The following CTBP2 variants were observed in gnomAD, a reference collection of about 807,000 sequenced individuals.
CTBP2 encodes C-terminal-binding protein 2.
Under a neutral mutation model 80.3 loss-of-function variants are expected in CTBP2, and 30 were observed. The observed-to-expected ratio is 0.37, with a 90% CI of 0.28 to 0.51. The LOEUF is 0.51. Ranked by LOEUF, CTBP2 falls within the 20% of genes least tolerant of loss-of-function variation. The pLI, the probability that CTBP2 is intolerant of heterozygous loss-of-function variation, is 0.93. For missense variants in CTBP2, 1,212 were observed against 1,375.3 expected (o/e 0.88, Z 1.88); for synonymous variants, 594 against 587.4 (o/e 1.01, Z -0.16).
intron 1 of CTBP2, among the ~76,000 whole-genome samples, chr10:125,134,186 C>T (rs1486354183): frequency 6.6e-6 from 1 of 152,200 alleles, no homozygotes; most frequent in Non-Finnish European, 1.5e-5. Flanking sequence ...AGCCCATCAC[C>T]AACAGCCAAC....
rs11596391 is a variant in CTBP2 at position 125,122,394 on chromosome 10, T to G, written c.-205-11301A>C. Among the ~76,000 whole-genome samples the G allele has an allele frequency of 4.9e-3, 744 of 152,338 alleles. 3 individuals carry two copies. Among genetic ancestry groups the G allele is most frequent in the Non-Finnish European group, 8.3e-3 (567 of 68,038 alleles). ...CAACTCAACATTTTCACTGTGAGATTAGATTCTTGGGACTTGTAATTTTAC... is the reference window on the plus strand; with the variant it reads ...CAACTCAACATTTTCACTGTGAGATGAGATTCTTGGGACTTGTAATTTTAC... On this transcript the variant is annotated intron_variant, in intron 1 of 10. Transcript: ENST00000337195.
intron 2 of CTBP2, among the ~76,000 whole-genome samples, chr10:125,058,681 G>A (rs1964420781): frequency 6.6e-6 from 1 of 152,040 alleles, no homozygotes. Flanking sequence ...GATCACCTGA[G>A]GCCGGGAGTT....
At chr10:125,109,092 G>T (rs1851893283) in intron 2 of CTBP2, among the ~76,000 whole-genome samples, 1 of 152,216 alleles carries the variant, frequency 6.6e-6, no homozygotes, top group South Asian at 2.1e-4. Context: ...TTATTAGACT[G>T]AGTCAAATGA....
intron 3 of CTBP2, among the ~76,000 whole-genome samples, chr10:125,038,444 G>A (rs1029181159): frequency 4.6e-5 from 7 of 152,164 alleles, no homozygotes; most frequent in Admixed American, 6.5e-5. Flanking sequence ...CTGGAAGAGC[G>A]CAGTGCTTAA....
At chr10:125,114,877 G>A (rs1262806015) in intron 1 of CTBP2, among the ~76,000 whole-genome samples, 2 of 146,742 alleles carry the variant, frequency 1.4e-5, no homozygotes, top group East Asian at 4.3e-4. Flanking sequence ...GCTGTGAGCA[G>A]CATTCATCTA....
At chr10:125,050,237 CCT>C (rs1192110182) in intron 2 of CTBP2, among the ~76,000 whole-genome samples, 1 of 152,158 alleles carries the variant, frequency 6.6e-6, no homozygotes, top group African/African-American at 2.4e-5. Context: ...GCACCGGTAC[CCT>C]GTCTCCTGCG....
intron 2 of CTBP2, among the ~76,000 whole-genome samples, chr10:125,054,918 G>T (rs114046568): frequency 6.6e-6 from 1 of 152,138 alleles, no homozygotes; most frequent in Non-Finnish European, 1.5e-5. Flanking sequence ...CAAGCTGAAG[G>T]AACGGAAAGT....
At chr10:125,049,118 CACA>C (rs34217401) in intron 2 of CTBP2, among the ~76,000 whole-genome samples, 46,755 of 150,400 alleles carry the variant, frequency 0.31, 7,456 homozygotes, top group Middle Eastern at 0.4. Flanking sequence ...CACATACACA[CACA>C]ACACCCCTTT....
Position 124,989,454 on chromosome 10 carries a change from C to T in CTBP2, c.*64G>A, listed in dbSNP as rs77270302. The T allele has an allele frequency of 1.4e-6, 2 of 1,444,150 alleles. No individual in the cohort carries two copies. Among genetic ancestry groups the T allele is most frequent in the African/African-American group, 1.4e-5 (1 of 71,258 alleles). 89.5% of individuals were successfully genotyped at this position (1,444,150 alleles called of 1,614,324 possible). On this transcript the variant is annotated 3_prime_UTR_variant, in exon 9 of 9. Transcript: ENST00000309035. ...CCATCCGATTCTTTTTCTCTTAGTT[C>T]ATCTATTTTTCACTGTCTCTTGGTC...
chr10:125,072,451 C>T (rs1845626599), intron 2 of CTBP2, among the ~76,000 whole-genome samples: 1 of 151,944 alleles, frequency 6.6e-6, no homozygotes, highest in African/African-American at 2.4e-5. Flanking sequence ...CTCATCTCTA[C>T]TAAAAACAAA....
rs1365188865 is a variant in CTBP2 at position 124,984,617 on chromosome 10, A to C, written c.*4901T>G. 7.2e-6 allele frequency: 5 copies of C among 689,888 alleles called. No homozygotes were observed. The East Asian group carries it at 1.4e-4, about 19-fold the overall frequency. The allele number at this position is 689,888 out of a possible 1,614,324, so 42.7% of individuals were successfully genotyped here. ...ATTTAACCAGAGCAAACTGGACTTT[A>C]ATCACAAAACTTCCAAGAGGTCAAA... On this transcript the variant is annotated 3_prime_UTR_variant, in exon 9 of 9. Transcript: ENST00000309035.
intron 1 of CTBP2, among the ~76,000 whole-genome samples, chr10:125,116,766 A>G (rs748012225): frequency 2.6e-5 from 4 of 152,204 alleles, no homozygotes; most frequent in Non-Finnish European, 5.9e-5. Flanking sequence ...ATGGCATGGA[A>G]AGTGGTGCCA....
chr10:125,132,623 G>C (rs917100644), intron 1 of CTBP2, among the ~76,000 whole-genome samples: 3 of 152,160 alleles, frequency 2.0e-5, no homozygotes, highest in Non-Finnish European at 4.4e-5. Flanking sequence ...CCCAAGCCAA[G>C]CACCAGTATT....
intron 1 of CTBP2, among the ~76,000 whole-genome samples, chr10:125,006,630 C>G (rs999641514): frequency 2.0e-5 from 3 of 152,214 alleles, no homozygotes; most frequent in Admixed American, 2.0e-4. Context: ...CAAACAGATC[C>G]CCCATCTTAC....
intron 2 of CTBP2, among the ~76,000 whole-genome samples, chr10:125,103,036 AAGGAG>A (rs1453648925): frequency 6.6e-6 from 1 of 152,186 alleles, no homozygotes; most frequent in East Asian, 1.9e-4. Context: ...TACTTGCACA[AAGGAG>A]AGGCGGGGGC....
At chr10:125,104,066 G>T (rs909391947) in intron 2 of CTBP2, among the ~76,000 whole-genome samples, 2 of 152,204 alleles carry the variant, frequency 1.3e-5, no homozygotes, top group Non-Finnish European at 2.9e-5. Flanking sequence ...TCAGGAATTC[G>T]ATACCTTCAC....
intron 1 of CTBP2, among the ~76,000 whole-genome samples, chr10:125,011,455 A>G (rs3781431): frequency 0.096 from 14,576 of 152,138 alleles, 731 homozygotes; most frequent in Admixed American, 0.15. Flanking sequence ...GTGCAGTCTG[A>G]TGCTCCCCAG....
At chr10:125,099,182 A>G (rs1350665777) in intron 2 of CTBP2, among the ~76,000 whole-genome samples, 1 of 152,168 alleles carries the variant, frequency 6.6e-6, no homozygotes, top group Non-Finnish European at 1.5e-5. Context: ...TGAAACCTAG[A>G]CCTAGGTTCA....
chr10:125,050,265 G>A lies in CTBP2; in HGVS notation c.-101-11110C>T, dbSNP rs552354343. The stretch of plus-strand genomic sequence containing the variant: ...GTCTCCTGCGACAGGTCGTGGAAAT[G>A]ATATGTAGAAATCAGACATCCCTAA... On this transcript the variant is annotated intron_variant, in intron 2 of 10. Transcript: ENST00000337195. 2.5e-3 allele frequency among the ~76,000 whole-genome samples: 378 copies of A among 152,322 alleles called. 1 individual carries two copies. Among genetic ancestry groups the A allele is most frequent in the Non-Finnish European group, 4.5e-3 (306 of 68,026 alleles).
Sources: gnomAD v4.1 joint callset for allele counts (sites outside exome capture counted in the v4.1 genomes callset) on GRCh38, gnomAD v4.1.1 for gene constraint, MANE v1.5 for transcripts, NCBI Gene and HGNC (gene_info 2026-07-23, HGNC 2026-07-21) for gene names.